Variants in MLYCD observed in about 807,000 individuals in gnomAD.
MLYCD encodes malonyl-CoA decarboxylase, mitochondrial.
A neutral mutation model predicts 35.8 loss-of-function variants in MLYCD; 27 were observed. The ratio of observed to expected loss-of-function variants is 0.75; its 90% CI spans 0.56 to 1.04. MLYCD has a LOEUF of 1.04. MLYCD is among the 50% of genes least tolerant of loss of function. The pLI is 0.00. For synonymous variants in MLYCD, 403 were observed against 302.4 expected (o/e 1.33, Z -3.45); for missense variants, 917 against 665.1 (o/e 1.38, Z -4.17).
In MLYCD at chr16:83,906,875, A is replaced by G. The variant is rs3815804; in HGVS notation, c.529-112A>G. ...GCTGTTTGGAGAGTTGTCTTGCACAATTGTCTTATGTATCGTGCTTGAGTG... is the reference window on the plus strand; with the variant it reads ...GCTGTTTGGAGAGTTGTCTTGCACAGTTGTCTTATGTATCGTGCTTGAGTG... On this transcript the variant is annotated intron_variant, in intron 1 of 4. Coordinates refer to ENST00000262430, the MANE Select transcript of MLYCD (RefSeq NM_012213.3). The G allele has an allele frequency of 0.2, 183,608 of 917,358 alleles. 20,181 individuals are homozygous for G. Among genetic ancestry groups the G allele is most frequent in the African/African-American group, 0.39 (24,075 of 61,450 alleles). 56.8% of individuals were successfully genotyped at this position (917,358 alleles called of 1,614,324 possible).
chr16:83,911,769 G>C (rs1907187968), intron 3 of MLYCD: 1 of 219,600 alleles, frequency 4.6e-6, no homozygotes, highest in East Asian at 1.1e-4. Flanking sequence ...AAAACCTAGG[G>C]TTCAGAGAAA....
chr16:83,899,973 G>A (rs992659845), intron 1 of MLYCD, among the ~76,000 whole-genome samples: 1 of 152,212 alleles, frequency 6.6e-6, no homozygotes, highest in Non-Finnish European at 1.5e-5. Flanking sequence ...CCTGATTAGT[G>A]TGTGCTCTAC....
rs1907505704 is a variant in MLYCD at position 83,918,368 on chromosome 16, C to A, written c.*2879C>A. 6.9e-6 allele frequency: 1 copy of A among 145,762 alleles called. No individual in the cohort carries two copies. The highest frequency in any genetic ancestry group is 1.5e-5 in the Non-Finnish European group (1 of 66,808). The allele number at this position is 145,762 out of a possible 1,614,324, so 9.0% of individuals were successfully genotyped here. On this transcript the variant is annotated 3_prime_UTR_variant, in exon 5 of 5. Transcript: ENST00000262430. ...CACACGGTGCACAGGAGAACACGCACACATGTTGCACAGGAGAATTCACAC... is the reference window on the plus strand; with the variant it reads ...CACACGGTGCACAGGAGAACACGCAAACATGTTGCACAGGAGAATTCACAC...
In MLYCD at chr16:83,915,743, C is replaced by G. The variant is rs375604861; in HGVS notation, c.*254C>G. ...GTTGCTGTGCTGTCTCCGGAAGATT[C>G]TGTCGTTGCCCTTGGCCTGGCTCCC... On this transcript the variant is annotated 3_prime_UTR_variant, in exon 5 of 5. Coordinates refer to ENST00000262430, the MANE Select transcript of MLYCD (RefSeq NM_012213.3). The G allele has an allele frequency of 1.1e-3, 1,518 of 1,371,646 alleles. 27 individuals carry two copies. The South Asian group carries it at 0.02, about 18-fold the overall frequency. The allele number at this position is 1,371,646 out of a possible 1,614,324, so 85.0% of individuals were successfully genotyped here.
At chr16:83,902,570 ATC>A (rs1906835395) in intron 1 of MLYCD, among the ~76,000 whole-genome samples, 1 of 150,466 alleles carries the variant, frequency 6.6e-6, no homozygotes, top group African/African-American at 2.5e-5. Context: ...CAGCAGCACA[ATC>A]TCTGCTCATT....
At chr16:83,913,171 C>A (rs1243913157) in intron 4 of MLYCD, 2 of 152,312 alleles carry the variant, frequency 1.3e-5, no homozygotes, top group African/African-American at 4.8e-5. Flanking sequence ...TTTACATGCT[C>A]CTAGTAAATT....
chr16:83,913,438 G>C (rs1035650930), intron 4 of MLYCD: 1 of 152,336 alleles, frequency 6.6e-6, no homozygotes, highest in African/African-American at 2.4e-5. Context: ...TGAGGGTGTC[G>C]CTTAACTGCC....
In MLYCD at chr16:83,915,047, A is replaced by C. The variant is rs569488169; in HGVS notation, c.1040A>C (p.Lys347Thr). 11 of 1,614,228 alleles carry C rather than the reference A, an allele frequency of 6.8e-6. No individual in the cohort carries two copies. In the East Asian group the frequency reaches 2.5e-4, roughly 36 times the overall value. The change falls in exon 5 of 5, where the codon AAG becomes ACG. Residue 347 changes from lysine to threonine, a missense_variant. Physicochemically the swap from Lys to Thr is moderately conservative, Grantham distance 78 (BLOSUM62 -1). Transcript: ENST00000262430. ...CTGGGGCTTCTGAACTCGCAAACGA[A>C]GGAGCATGGGAGGAATGAACTCTTT... Reference protein sequence around the residue: ...WLLGLLNSQTKEHGRNELFTD... With the variant: ...WLLGLLNSQTTEHGRNELFTD...
intron 4 of MLYCD, chr16:83,914,668 ACT>A: frequency 2.2e-6 from 1 of 451,872 alleles, no homozygotes; most frequent in Non-Finnish European, 4.1e-6. Flanking sequence ...GGTCCCAGCT[ACT>A]CAGCAGGCTG....
chr16:83,909,512 A>C (rs1907096821), intron 3 of MLYCD, among the ~76,000 whole-genome samples: 1 of 152,198 alleles, frequency 6.6e-6, no homozygotes. Context: ...TGGTCTTATG[A>C]ATAATATTAA....
chr16:83,900,421 C>T (rs760166289), intron 1 of MLYCD, among the ~76,000 whole-genome samples: 1 of 152,016 alleles, frequency 6.6e-6, no homozygotes, highest in Non-Finnish European at 1.5e-5. Flanking sequence ...CGGCGAAAAA[C>T]TAACCTGCCC....
rs1907699384 is a variant in MLYCD at position 83,922,941 on chromosome 16, G to A, written c.*7452G>A. 6.6e-6 allele frequency: 1 copy of A among 152,258 alleles called. No individual in the cohort carries two copies. The highest frequency in any genetic ancestry group is 1.5e-5 in the Non-Finnish European group (1 of 68,072). 9.4% of individuals were successfully genotyped at this position (152,258 alleles called of 1,614,324 possible). A position where few individuals can be genotyped will look rare whatever the true frequency, so the allele number is the denominator to read the frequency against. On this transcript the variant is annotated 3_prime_UTR_variant, in exon 5 of 5. Coordinates refer to ENST00000262430, the MANE Select transcript of MLYCD (RefSeq NM_012213.3). ...GCACAGGGGCTTGAGGGGACCTCCT[G>A]ACCCCTGATGGCTGAGCACCCTTGT...
At chr16:83,908,820 C>G (rs1159386164) in intron 3 of MLYCD, among the ~76,000 whole-genome samples, 1 of 152,206 alleles carries the variant, frequency 6.6e-6, no homozygotes, top group Non-Finnish European at 1.5e-5. Flanking sequence ...GTCTGAAACA[C>G]TCCTGCAGGC....
Position 83,916,774 on chromosome 16 carries a change from G to A in MLYCD, c.*1285G>A, listed in dbSNP as rs554292218. Reference sequence around the variant, plus strand: ...TGTGTGGATCAGTGCACGTCTGTGTGCATGTGCACGAGCGTTCTATGTGGA... The same window carrying A: ...TGTGTGGATCAGTGCACGTCTGTGTACATGTGCACGAGCGTTCTATGTGGA... On this transcript the variant is annotated 3_prime_UTR_variant, in exon 5 of 5. Transcript: ENST00000262430. 7.2e-6 allele frequency: 1 copy of A among 138,152 alleles called. No individual in the cohort carries two copies. The highest frequency in any genetic ancestry group is 2.4e-4 in the South Asian group (1 of 4,208). The allele number at this position is 138,152 out of a possible 1,614,324, so 8.6% of individuals were successfully genotyped here. A position where few individuals can be genotyped will look rare whatever the true frequency, so the allele number is the denominator to read the frequency against.
intron 1 of MLYCD, among the ~76,000 whole-genome samples, chr16:83,900,769 T>G (rs1906757587): frequency 6.6e-6 from 1 of 152,150 alleles, no homozygotes; most frequent in Non-Finnish European, 1.5e-5. Context: ...TTGACCCATT[T>G]AAGAACTCTA....
At chr16:83,909,301 G>T (rs2151057558) in intron 3 of MLYCD, among the ~76,000 whole-genome samples, 1 of 152,304 alleles carries the variant, frequency 6.6e-6, no homozygotes, top group African/African-American at 2.4e-5. Flanking sequence ...ATTGCTGACA[G>T]TTCAAAAGGG....
chr16:83,902,121 G>C (rs1906808857), intron 1 of MLYCD, among the ~76,000 whole-genome samples: 1 of 129,716 alleles, frequency 7.7e-6, no homozygotes. Flanking sequence ...ACATATATAT[G>C]TATGTGTATA....
intron 1 of MLYCD, among the ~76,000 whole-genome samples, chr16:83,906,316 A>G (rs8054745): frequency 0.03 from 4,495 of 152,262 alleles, 134 homozygotes; most frequent in African/African-American, 0.078. Context: ...ACATGAGCCC[A>G]GGAGGTCAAG....
chr16:83,907,813 T>C (rs997263308), intron 2 of MLYCD, among the ~76,000 whole-genome samples: 3 of 152,090 alleles, frequency 2.0e-5, no homozygotes, highest in African/African-American at 7.2e-5. Context: ...GAAAAGACAG[T>C]GTTCAACACC....
Sources: allele counts gnomAD v4.1 joint callset (sites outside exome capture counted in the v4.1 genomes callset), GRCh38; gene constraint gnomAD v4.1.1; transcripts MANE v1.5; gene names NCBI Gene and HGNC (gene_info 2026-07-23, HGNC 2026-07-21).